The following METAP1D variants were observed in gnomAD, a reference collection of about 807,000 sequenced individuals.
METAP1D encodes the protein methionine aminopeptidase 1D, mitochondrial.
In METAP1D, 31 loss-of-function variants were observed where a neutral mutation model predicts 40.5. The ratio of observed to expected loss-of-function variants is 0.77; its 90% CI spans 0.58 to 1.03. The LOEUF (loss-of-function observed/expected upper bound fraction) is 1.03, where lower values mean the gene tolerates loss of function less well. METAP1D is among the 50% of genes least tolerant of loss of function. METAP1D has a pLI of 0.00. For synonymous variants in METAP1D, 151 were observed against 146.4 expected, an observed-to-expected ratio of 1.03 and a Z score of -0.22; for missense variants, 411 against 420.7, an observed-to-expected ratio of 0.98 and a Z score of 0.20.
chr2:172,055,197 G>C (rs1158396181), intron 1 of METAP1D, among the ~76,000 whole-genome samples: 1 of 152,182 alleles, frequency 6.6e-6, no homozygotes, highest in Non-Finnish European at 1.5e-5. Context: ...AGTGAATCCT[G>C]AATGAATGAT....
intron 1 of METAP1D, among the ~76,000 whole-genome samples, chr2:172,046,365 C>T (rs1463879924): frequency 1.3e-5 from 2 of 152,154 alleles, no homozygotes; most frequent in African/African-American, 4.8e-5. Flanking sequence ...TGCTCATCTA[C>T]ATAATGAAAT....
chr2:172,028,432 A>G (rs1434523844), intron 1 of METAP1D, among the ~76,000 whole-genome samples: 1 of 152,200 alleles, frequency 6.6e-6, no homozygotes, highest in Non-Finnish European at 1.5e-5. Flanking sequence ...AGTTGAAACT[A>G]TGTTCAAAAA....
At chr2:172,036,179 T>A (rs560076476) in intron 1 of METAP1D, among the ~76,000 whole-genome samples, 23 of 150,878 alleles carry the variant, frequency 1.5e-4, no homozygotes, top group African/African-American at 4.6e-4. Flanking sequence ...TAGCTGGGCG[T>A]GGTGGCGGGT....
At chr2:172,005,139 TTTTC>T (rs1032560953) in intron 1 of METAP1D, among the ~76,000 whole-genome samples, 2 of 151,916 alleles carry the variant, frequency 1.3e-5, no homozygotes, top group African/African-American at 4.8e-5. Context: ...TGTGAAACAG[TTTTC>T]TTTCTTTCTT....
intron 1 of METAP1D, among the ~76,000 whole-genome samples, chr2:172,046,578 G>A (rs1175071769): frequency 6.6e-6 from 1 of 152,218 alleles, no homozygotes; most frequent in East Asian, 1.9e-4. Flanking sequence ...TTAATTAGAG[G>A]AAGTGGAGGT....
chr2:172,079,783 T>A (rs1349180345), intron 8 of METAP1D, among the ~76,000 whole-genome samples: 2 of 152,214 alleles, frequency 1.3e-5, no homozygotes, highest in East Asian at 1.9e-4. Flanking sequence ...ATTTAAATAT[T>A]TTTTTAAAAA....
intron 1 of METAP1D, among the ~76,000 whole-genome samples, chr2:172,031,602 C>A (rs1029996883): frequency 1.3e-5 from 2 of 152,148 alleles, no homozygotes; most frequent in Non-Finnish European, 2.9e-5. Context: ...TAATTTGGCA[C>A]CTTCACTTCC....
At position 172,030,180 on chromosome 2, in the gene METAP1D, C is replaced by G. The variant is rs192262735; in HGVS notation, c.40+30171C>G. 5.2e-3 allele frequency among the ~76,000 whole-genome samples: 779 copies of G among 150,776 alleles called. 29 individuals are homozygous for G. The East Asian group carries it at 0.069, about 13-fold the overall frequency. ...TCTCGGCTCACCACAACCTCCACCT[C>G]CTGGGTTCAAGCAATTCTCCTGCCT... On this transcript the variant is annotated intron_variant, in intron 1 of 9. Transcript: ENST00000315796.
At chr2:172,014,818 A>AT (rs200541340) in intron 1 of METAP1D, among the ~76,000 whole-genome samples, 6 of 150,424 alleles carry the variant, frequency 4.0e-5, no homozygotes, top group Admixed American at 2.0e-4. Flanking sequence ...ACACCCGGCT[A>AT]TTTTTTTTTA....
At chr2:172,026,699 T>C (rs1236106364) in intron 1 of METAP1D, among the ~76,000 whole-genome samples, 4 of 152,158 alleles carry the variant, frequency 2.6e-5, no homozygotes, top group African/African-American at 7.2e-5. Context: ...TTTGTCCTAG[T>C]GTCCCCCAAA....
At position 172,014,308 on chromosome 2, in the gene METAP1D, C is replaced by T. The variant is rs187381802; in HGVS notation, c.40+14299C>T. ...TGTATTTTTAATAGAGACAGGGTTT[C>T]ACTATGTTGGCCAGGCTGGTCTTGC... On this transcript the variant is annotated intron_variant, in intron 1 of 9. Coordinates refer to ENST00000315796, the MANE Select transcript of METAP1D (RefSeq NM_199227.3). Among the ~76,000 whole-genome samples the T allele has an allele frequency of 2.0e-3, 301 of 152,124 alleles. 1 individual carries two copies. The highest frequency in any genetic ancestry group is 3.4e-3 in the Middle Eastern group (1 of 292).
chr2:172,051,843 A>G (rs1689891486), intron 1 of METAP1D, among the ~76,000 whole-genome samples: 1 of 152,208 alleles, frequency 6.6e-6, no homozygotes, highest in Non-Finnish European at 1.5e-5. Context: ...TAATATGAGA[A>G]TGATGCATCC....
chr2:172,042,611 A>ATGTG lies in METAP1D; in HGVS notation c.41-18886_41-18885insGTGT, dbSNP rs1491477733. Reference sequence around the variant, plus strand: ...TATGTGTACATGTGCACATATATACATATATGTGTGTATGTGTACACATAT... The same window carrying ATGTG: ...TATGTGTACATGTGCACATATATACATGTGTATATGTGTGTATGTGTACACATAT... On this transcript the variant is annotated intron_variant, in intron 1 of 9. Coordinates refer to ENST00000315796, the MANE Select transcript of METAP1D (RefSeq NM_199227.3). Among the ~76,000 whole-genome samples, 14 of 26,642 alleles carry ATGTG rather than the reference A, an allele frequency of 5.3e-4. 7 individuals carry two copies. The highest frequency in any genetic ancestry group is 8.9e-4 in the Non-Finnish European group (14 of 15,708). 17.5% of individuals were successfully genotyped at this position (26,642 alleles called of 152,430 possible). A position where few individuals can be genotyped will look rare whatever the true frequency, so the allele number is the denominator to read the frequency against.
chr2:172,071,074 A>G lies in METAP1D; in HGVS notation c.704+4A>G. On this transcript the variant is annotated splice_donor_region_variant and intron_variant, in intron 6 of 9. Coordinates refer to ENST00000315796, the MANE Select transcript of METAP1D (RefSeq NM_199227.3). Reference sequence around the variant, plus strand: ...CTGTAATTGGAAACACAATCAGGTAAGCCTTACATTGACAAGTAAAGGGAG... The same window carrying G: ...CTGTAATTGGAAACACAATCAGGTAGGCCTTACATTGACAAGTAAAGGGAG... The G allele has an allele frequency of 6.2e-7, 1 of 1,600,598 alleles. No individual in the cohort carries two copies. Among genetic ancestry groups the G allele is most frequent in the Non-Finnish European group, 8.5e-7 (1 of 1,173,472 alleles).
intron 1 of METAP1D, among the ~76,000 whole-genome samples, chr2:172,026,676 G>A (rs1325800290): frequency 1.3e-5 from 2 of 152,136 alleles, no homozygotes; most frequent in Non-Finnish European, 1.5e-5. Flanking sequence ...ACACAATATA[G>A]TAATCTTTAA....
chr2:172,060,167 A>G (rs1167219193), intron 1 of METAP1D, among the ~76,000 whole-genome samples: 2 of 152,112 alleles, frequency 1.3e-5, no homozygotes, highest in Non-Finnish European at 2.9e-5. Flanking sequence ...TGTAACCTCA[A>G]CACTTTGGGA....
At chr2:172,068,498 T>C (rs1293929476) in intron 5 of METAP1D, among the ~76,000 whole-genome samples, 3 of 151,774 alleles carry the variant, frequency 2.0e-5, no homozygotes, top group Non-Finnish European at 1.5e-5. Context: ...TATTTCTGTA[T>C]ATAGTGAATC....
Position 172,000,019 on chromosome 2 carries a change from T to G in METAP1D, c.40+10T>G. 7.5e-7 allele frequency: 1 copy of G among 1,329,736 alleles called. No homozygotes were observed. Among genetic ancestry groups the G allele is most frequent in the Non-Finnish European group, 9.7e-7 (1 of 1,030,318 alleles). 82.4% of individuals were successfully genotyped at this position (1,329,736 alleles called of 1,614,324 possible). On this transcript the variant is annotated intron_variant, in intron 1 of 9. Coordinates refer to ENST00000315796, the MANE Select transcript of METAP1D (RefSeq NM_199227.3). ...CTGCTCGTCCGCAGAGGTAAGCGCG[T>G]GGAGGAGAGCCCCGTGAGGGTTCGC...
At chr2:172,000,034 T>G in intron 1 of METAP1D, 25 bp downstream of exon 1, 1 of 1,303,408 alleles carries the variant, frequency 7.7e-7, no homozygotes, top group Non-Finnish European at 9.8e-7. Context: ...GAGAGCCCCG[T>G]GAGGGTTCGC....
Sources: gnomAD v4.1 joint callset for allele counts (sites outside exome capture counted in the v4.1 genomes callset) on GRCh38, gnomAD v4.1.1 for gene constraint, MANE v1.5 for transcripts, NCBI Gene and HGNC (gene_info 2026-07-23, HGNC 2026-07-21) for gene names.